Variants in MAST4 observed in about 807,000 individuals in gnomAD.
The protein encoded by MAST4 is microtubule-associated serine/threonine-protein kinase 4.
MAST4 carries 89 observed loss-of-function variants against 162.7 expected under a neutral mutation model. The observed-to-expected ratio is 0.55, with a 90% CI of 0.46 to 0.65. The LOEUF is 0.65. Among genes scored for constraint, MAST4 ranks in the 30% least tolerant of loss-of-function variants. MAST4 has a pLI of 0.00. For synonymous variants in MAST4, 1,479 were observed against 1,361.1 expected (o/e 1.09, Z -1.91); for missense variants, 3,153 against 3,374.0 (o/e 0.93, Z 1.62).
At chr5:67,031,495 G>A (rs1254314898) in intron 4 of MAST4, among the ~76,000 whole-genome samples, 1 of 152,060 alleles carries the variant, frequency 6.6e-6, no homozygotes, top group Non-Finnish European at 1.5e-5. Flanking sequence ...TGCTCCATTT[G>A]CACTAAAATA....
intron 3 of MAST4, among the ~76,000 whole-genome samples, chr5:66,805,770 T>C (rs1443636927): frequency 2.6e-5 from 4 of 152,310 alleles, no homozygotes; most frequent in African/African-American, 9.6e-5. Flanking sequence ...GCCATCAGCC[T>C]GCGAAGCTGG....
chr5:66,722,314 G>A (rs966938631), intron 1 of MAST4, among the ~76,000 whole-genome samples: 2 of 152,062 alleles, frequency 1.3e-5, no homozygotes, highest in African/African-American at 2.4e-5. Flanking sequence ...GAGCCTCTGT[G>A]TAGAAATTTT....
At chr5:66,616,120 T>G (rs1235824771) in intron 1 of MAST4, among the ~76,000 whole-genome samples, 1 of 152,200 alleles carries the variant, frequency 6.6e-6, no homozygotes, top group Non-Finnish European at 1.5e-5. Flanking sequence ...GAAAACTTTA[T>G]TTTGTAGCTT....
rs1417319148 is a variant in MAST4 at position 67,163,505 on chromosome 5, G to A, written c.4326G>A (p.Lys1442=). The A allele has an allele frequency of 1.9e-6, 3 of 1,612,182 alleles. No homozygotes were observed. Among genetic ancestry groups the A allele is most frequent in the Non-Finnish European group, 1.7e-6 (2 of 1,179,246 alleles). Residue 1442 remains lysine, a synonymous_variant, in exon 29 of 29, where the codon AAG becomes AAA. Coordinates refer to ENST00000403625, the MANE Select transcript of MAST4 (RefSeq NM_001164664.2). The surrounding 1 kb of genome is among the most constrained non-coding windows in gnomAD (Gnocchi z 7.0). The stretch of plus-strand genomic sequence containing the variant: ...AGCCCCCCAGGTCCCCGCTGCTCAA[G>A]CGCGTGCAGTCCGAGGAGAAGCTGT... ...SAEPPRSPLL[K]RVQSEEKLSP...
intron 3 of MAST4, among the ~76,000 whole-genome samples, chr5:66,824,922 T>C (rs1433824936): frequency 2.0e-5 from 3 of 152,172 alleles, no homozygotes; most frequent in Non-Finnish European, 4.4e-5. Flanking sequence ...GCTTGCAGGA[T>C]TGGAAGTTGC....
intron 3 of MAST4, among the ~76,000 whole-genome samples, chr5:66,818,050 T>C (rs1464862684): frequency 2.0e-5 from 3 of 152,224 alleles, no homozygotes; most frequent in South Asian, 2.1e-4. Context: ...AATTTTACTT[T>C]AAGAGCTATT....
rs539175656 is a variant in MAST4 at position 66,777,031 on chromosome 5, T to C, written c.518-11639T>C. On this transcript the variant is annotated intron_variant, in intron 2 of 28. Transcript: ENST00000403625. ...ACAAATTCTGTGTTCAGTTTTGTGC[T>C]GGGCACTTTAACATGTGTTACCTAC... is the stretch of plus-strand genomic sequence containing the variant. 6.6e-5 allele frequency among the ~76,000 whole-genome samples: 10 copies of C among 152,328 alleles called. No individual in the cohort carries two copies. The South Asian group carries it at 1.9e-3, about 28-fold the overall frequency.
At chr5:67,109,454 C>T (rs1765968236) in intron 10 of MAST4, among the ~76,000 whole-genome samples, 1 of 151,874 alleles carries the variant, frequency 6.6e-6, no homozygotes, top group Non-Finnish European at 1.5e-5. Context: ...ATCCCCTCCT[C>T]AAGATATCTC....
intron 27 of MAST4, 69 bp from the exon 28 acceptor site, chr5:67,162,538 A>G (rs1773311947): frequency 6.9e-7 from 1 of 1,440,684 alleles, no homozygotes; most frequent in South Asian, 1.2e-5. Context: ...AGCTGAGCAC[A>G]ATGGTATTTT....
intron 2 of MAST4, among the ~76,000 whole-genome samples, chr5:66,787,457 C>T (rs1755168941): frequency 6.6e-6 from 1 of 152,234 alleles, no homozygotes; most frequent in Admixed American, 6.5e-5. Flanking sequence ...CAGTGGACTT[C>T]TTCACATGGA....
At chr5:67,029,117 G>A (rs1755008333) in intron 4 of MAST4, among the ~76,000 whole-genome samples, 2 of 150,334 alleles carry the variant, frequency 1.3e-5, no homozygotes, top group South Asian at 4.2e-4. Flanking sequence ...CTGGGCGACA[G>A]CACGAGACAC....
chr5:66,853,796 C>A (rs72761266), intron 3 of MAST4, among the ~76,000 whole-genome samples: 5,009 of 152,220 alleles, frequency 0.033, 118 homozygotes, highest in Non-Finnish European at 0.052. Flanking sequence ...AATCAGAATT[C>A]TTTTCTAAAT....
Position 67,035,359 on chromosome 5 carries a change from T to TA in MAST4, c.675-19035dup, listed in dbSNP as rs555951536. Reference sequence around the variant, plus strand: ...GTTCTGAGGAGGGATAGACTTTGGCTAAAAAAAAAATGGCATACAGTATAT... The same window carrying TA: ...GTTCTGAGGAGGGATAGACTTTGGCTAAAAAAAAAAATGGCATACAGTATAT... On this transcript the variant is annotated intron_variant, in intron 4 of 28. Transcript: ENST00000403625. Among the ~76,000 whole-genome samples, 105 of 149,254 alleles carry TA rather than the reference T, an allele frequency of 7.0e-4. 1 individual carries two copies. Among genetic ancestry groups the TA allele is most frequent in the East Asian group, 2.0e-3 (10 of 5,116 alleles).
intron 2 of MAST4, among the ~76,000 whole-genome samples, chr5:66,769,677 A>G (rs1237287604): frequency 1.3e-5 from 2 of 152,258 alleles, no homozygotes; most frequent in African/African-American, 2.4e-5. Flanking sequence ...GAAAAGGTCC[A>G]GTAAAAATAC....
intron 4 of MAST4, among the ~76,000 whole-genome samples, chr5:67,031,463 C>CT (rs139334556): frequency 0.14 from 20,663 of 152,058 alleles, 1,525 homozygotes; most frequent in Middle Eastern, 0.22. Context: ...TGGATGGTGA[C>CT]TATTTGACAT....
chr5:67,120,384 C>T (rs1767429575), intron 13 of MAST4, among the ~76,000 whole-genome samples: 1 of 152,174 alleles, frequency 6.6e-6, no homozygotes, highest in African/African-American at 2.4e-5. Context: ...CTGGTAACTC[C>T]CTCTCCATGC....
chr5:66,887,012 T>G (rs1762082556), intron 3 of MAST4, among the ~76,000 whole-genome samples: 1 of 152,090 alleles, frequency 6.6e-6, no homozygotes, highest in South Asian at 2.1e-4. Flanking sequence ...AAGAAGCAAT[T>G]AAAACCCCAG....
Position 67,166,554 on chromosome 5 carries a change from C to T in MAST4, c.7375C>T (p.Leu2459=). The change falls in exon 29 of 29, where the codon CTG becomes TTG. Residue 2459 remains leucine (L), a synonymous_variant. Coordinates refer to ENST00000403625, the MANE Select transcript of MAST4 (RefSeq NM_001164664.2). The stretch of plus-strand genomic sequence containing the variant: ...ATCCACGGCCCTCCCGGAAAAGTCT[C>T]TGAGCTGCTCCTCCAGCTTCCCTGA... The part of the protein sequence containing the change: ...FRSTALPEKS[L]SCSSSFPETR... 1.2e-6 allele frequency: 2 copies of T among 1,606,936 alleles called. No homozygotes were observed. The highest frequency in any genetic ancestry group is 2.2e-5 in the South Asian group (2 of 89,494).
intron 3 of MAST4, among the ~76,000 whole-genome samples, chr5:66,825,690 G>T (rs1294841603): frequency 6.6e-6 from 1 of 152,070 alleles, no homozygotes; most frequent in Non-Finnish European, 1.5e-5. Context: ...CAGTGACCAT[G>T]GATTTTGAGT....
Sources: gnomAD v4.1 joint callset for allele counts (sites outside exome capture counted in the v4.1 genomes callset) on GRCh38, gnomAD v4.1.1 for gene constraint, Gnocchi (gnomAD v3.1) non-coding constraint, MANE v1.5 for transcripts, NCBI Gene and HGNC (gene_info 2026-07-23, HGNC 2026-07-21) for gene names.